The following TMPRSS11F variants were observed in gnomAD, a reference collection of about 807,000 sequenced individuals.
TMPRSS11F encodes the protein transmembrane protease serine 11F.
TMPRSS11F carries 47 observed loss-of-function variants against 60.2 expected under a neutral mutation model. The observed-to-expected ratio is 0.78, with a 90% CI of 0.62 to 1.00. TMPRSS11F has a LOEUF of 1.00. Among genes scored for constraint, TMPRSS11F ranks in the 50% least tolerant of loss-of-function variants. TMPRSS11F has a pLI of 0.00. For missense variants in TMPRSS11F, 519 were observed against 522.9 expected (o/e 0.99, Z 0.07); for synonymous variants, 166 against 167.3 (o/e 0.99, Z 0.06).
At chr4:68,095,367 A>T in intron 2 of TMPRSS11F, among the ~76,000 whole-genome samples, 1 of 152,164 alleles carries the variant, frequency 6.6e-6, no homozygotes, top group East Asian at 1.9e-4. Context: ...CGACTTAAAA[A>T]GGCACTTCAC....
chr4:68,086,580 A>G (rs1202577549), intron 3 of TMPRSS11F, among the ~76,000 whole-genome samples: 1 of 152,044 alleles, frequency 6.6e-6, no homozygotes, highest in Non-Finnish European at 1.5e-5. Context: ...GATCAACAAA[A>G]CCAAATTTTT....
chr4:68,064,818 A>G lies in TMPRSS11F; in HGVS notation c.882T>C (p.Ile294=). Residue 294 remains isoleucine, a synonymous_variant, in exon 8 of 10, where the codon ATT becomes ATC. Transcript: ENST00000356291. ...CTCCAGTAGAGAGCTGAACCAAAGC[A>G]ATGTCATTTTCATTTGTTTCTCTAT... ...NYHRETNEND[I]ALVQLSTGVE... 1 of 1,614,180 alleles carries G rather than the reference A, an allele frequency of 6.2e-7. No individual in the cohort carries two copies. The highest frequency in any genetic ancestry group is 8.5e-7 in the Non-Finnish European group (1 of 1,180,024).
chr4:68,059,296 A>G lies in TMPRSS11F; in HGVS notation c.1158+30T>C, dbSNP rs777021860. The G allele has an allele frequency of 5.0e-6, 8 of 1,607,964 alleles. No individual in the cohort carries two copies. The Admixed American group carries it at 1.0e-4, about 20-fold the overall frequency. On this transcript the variant is annotated intron_variant, in intron 9 of 9. Coordinates refer to ENST00000356291, the MANE Select transcript of TMPRSS11F (RefSeq NM_207407.2). ...GAAATAGCTAATGGAAACTTTCCTC[A>G]TAAACTTTTGGCCTTGACTTTAAAC...
Position 68,094,202 on chromosome 4 carries a change from T to C in TMPRSS11F, c.164-3561A>G, listed in dbSNP as rs374425595. On this transcript the variant is annotated intron_variant, in intron 2 of 9. Transcript: ENST00000356291. ...AAGAAAATGTGGCACATATACACCATGGAATACTATGCAGCCATAAAAAAT... is the reference window on the plus strand; with the variant it reads ...AAGAAAATGTGGCACATATACACCACGGAATACTATGCAGCCATAAAAAAT... 9.9e-4 allele frequency among the ~76,000 whole-genome samples: 96 copies of C among 97,166 alleles called. 3 individuals carry two copies. In the South Asian group the frequency reaches 0.039, roughly 39 times the overall value. The allele number at this position is 97,166 out of a possible 152,430, so 63.7% of individuals were successfully genotyped here.
At chr4:68,123,312 T>C (rs2109890762) in intron 1 of TMPRSS11F, among the ~76,000 whole-genome samples, 1 of 152,286 alleles carries the variant, frequency 6.6e-6, no homozygotes, top group African/African-American at 2.4e-5. Context: ...CAAGAATTAG[T>C]TGCCCAAAAA....
intron 1 of TMPRSS11F, 99 bp downstream of exon 1, chr4:68,129,711 A>C: frequency 1.9e-6 from 2 of 1,067,374 alleles, no homozygotes; most frequent in South Asian, 3.1e-5. Context: ...TCTAATGTTT[A>C]AATCAATCTC....
intron 2 of TMPRSS11F, among the ~76,000 whole-genome samples, chr4:68,091,123 A>T (rs1221877411): frequency 6.6e-6 from 1 of 152,000 alleles, no homozygotes; most frequent in Non-Finnish European, 1.5e-5. Context: ...TTCACTCCCT[A>T]ATTCTCTGCA....
chr4:68,115,476 A>C (rs1238907335), intron 1 of TMPRSS11F, among the ~76,000 whole-genome samples: 1 of 152,130 alleles, frequency 6.6e-6, no homozygotes, highest in African/African-American at 2.4e-5. Context: ...CTTTCTTTTG[A>C]AGCTCGGAAT....
intron 1 of TMPRSS11F, among the ~76,000 whole-genome samples, chr4:68,108,319 A>T (rs1724342358): frequency 6.6e-6 from 1 of 152,212 alleles, no homozygotes. Flanking sequence ...AAGTAGTGAC[A>T]TCATTCTCAA....
intron 4 of TMPRSS11F, among the ~76,000 whole-genome samples, chr4:68,072,893 T>G (rs1723509970): frequency 6.6e-6 from 1 of 152,138 alleles, no homozygotes; most frequent in African/African-American, 2.4e-5. Flanking sequence ...ACAGGGAGGA[T>G]CCTTTTGTTT....
rs5859116 is a variant in TMPRSS11F at position 68,072,507 on chromosome 4, T to TA, written c.351-22dup. ...CTGGACTGAAGAACAAAAAAGCAGA[T>TA]AAAAATGGCATTTATCTAATCATTA... On this transcript the variant is annotated intron_variant, in intron 4 of 9. Coordinates refer to ENST00000356291, the MANE Select transcript of TMPRSS11F (RefSeq NM_207407.2). 14,092 of 1,456,134 alleles carry TA rather than the reference T, an allele frequency of 9.7e-3. 674 individuals carry two copies. The African/African-American group carries it at 0.13, about 13-fold the overall frequency. The allele number at this position is 1,456,134 out of a possible 1,614,324, so 90.2% of individuals were successfully genotyped here.
chr4:68,086,320 A>G (rs890608259), intron 3 of TMPRSS11F, among the ~76,000 whole-genome samples: 23 of 137,592 alleles, frequency 1.7e-4, no homozygotes, highest in African/African-American at 6.2e-4. Flanking sequence ...TATTTCTTTG[A>G]AATTAGGGAC....
At chr4:68,097,268 T>C (rs1011504203) in intron 2 of TMPRSS11F, among the ~76,000 whole-genome samples, 3 of 152,236 alleles carry the variant, frequency 2.0e-5, no homozygotes, top group African/African-American at 7.2e-5. Context: ...ATATATATCA[T>C]ATGTGAGTTT....
chr4:68,065,572 C>G (rs1723308890), intron 7 of TMPRSS11F, among the ~76,000 whole-genome samples: 3 of 152,138 alleles, frequency 2.0e-5, no homozygotes, highest in Admixed American at 1.3e-4. Context: ...ATGCTTTTCT[C>G]TCCCACAAGG....
intron 6 of TMPRSS11F, among the ~76,000 whole-genome samples, 171 bp downstream of exon 6, chr4:68,069,798 T>C (rs1161827128): frequency 6.6e-6 from 1 of 152,126 alleles, no homozygotes; most frequent in African/African-American, 2.4e-5. Context: ...TATAAATTTA[T>C]AAATTTAAAT....
rs150880589 is a variant in TMPRSS11F, at chr4:68,082,999, T to C, written c.282+7524A>G. Reference sequence around the variant, plus strand: ...ACTCAGGAAGCAAACAGAAGGAAACTTGGGTGAGGGAGAACAAGCTGGGCA... The same window carrying C: ...ACTCAGGAAGCAAACAGAAGGAAACCTGGGTGAGGGAGAACAAGCTGGGCA... On this transcript the variant is annotated intron_variant, in intron 3 of 9. Coordinates refer to ENST00000356291, the MANE Select transcript of TMPRSS11F (RefSeq NM_207407.2). Among the ~76,000 whole-genome samples, 253 of 152,220 alleles carry C rather than the reference T, an allele frequency of 1.7e-3. 2 individuals are homozygous for C. The highest frequency in any genetic ancestry group is 5.9e-3 in the African/African-American group (247 of 41,530).
intron 1 of TMPRSS11F, among the ~76,000 whole-genome samples, chr4:68,114,410 A>G (rs572064578): frequency 5.5e-4 from 84 of 152,206 alleles, no homozygotes; most frequent in African/African-American, 1.9e-3. Context: ...TAAACATAAA[A>G]GAATGATAAA....
At position 68,053,922 on chromosome 4, in the gene TMPRSS11F, T is replaced by A; in HGVS notation, c.1304A>T (p.Lys435Met). The part of the protein sequence containing the change: ...VTKYRDWIAS[K>M]TGM ...GGGCAATCCACACTACATACCAGTC[T>A]TTGAGGCAATCCAATCTCGATACTT... is the stretch of plus-strand genomic sequence containing the variant. The change falls in exon 10 of 10, where the codon AAG becomes ATG. Residue 435 changes from lysine to methionine, a missense_variant. By Grantham distance (95) the Lys-to-Met change is moderately conservative. Transcript: ENST00000356291. The A allele has an allele frequency of 6.2e-7, 1 of 1,613,446 alleles. No individual in the cohort carries two copies. The highest frequency in any genetic ancestry group is 8.5e-7 in the Non-Finnish European group (1 of 1,179,486).
chr4:68,068,567 G>T, intron 7 of TMPRSS11F, 51 bp downstream of exon 7: 1 of 1,475,724 alleles, frequency 6.8e-7, no homozygotes, highest in Non-Finnish European at 9.5e-7. Flanking sequence ...CTAAATCAGT[G>T]GCAGATGAGG....
Sources: allele counts gnomAD v4.1 joint callset (sites outside exome capture counted in the v4.1 genomes callset), GRCh38; gene constraint gnomAD v4.1.1; transcripts MANE v1.5; gene names NCBI Gene and HGNC (gene_info 2026-07-23, HGNC 2026-07-21).